SOX5: variants seen among roughly 807,000 people sequenced by gnomAD.
SOX5 encodes the protein transcription factor SOX-5.
In SOX5, 9 loss-of-function variants were observed where a neutral mutation model predicts 92.0. That is an observed-to-expected ratio of 0.10 (90% confidence interval 0.06 to 0.17). The LOEUF (loss-of-function observed/expected upper bound fraction) is 0.17, where lower values mean the gene tolerates loss of function less well. SOX5 is among the 10% of genes least tolerant of loss of function. The pLI, the probability that SOX5 is intolerant of heterozygous loss-of-function variation, is 1.00. For missense variants in SOX5, 642 were observed against 944.5 expected, an observed-to-expected ratio of 0.68 and a Z score of 4.20; for synonymous variants, 344 against 336.3, an observed-to-expected ratio of 1.02 and a Z score of -0.25.
At chr12:24,452,197 T>C (rs1942408436) in intron 1 of SOX5, among the ~76,000 whole-genome samples, 1 of 152,242 alleles carries the variant, frequency 6.6e-6, no homozygotes, top group African/African-American at 2.4e-5. Context: ...ATCGAGTTGC[T>C]TGATCTCAGT....
At chr12:24,531,037 CAT>C (rs1344078987) in intron 1 of SOX5, among the ~76,000 whole-genome samples, 1 of 152,150 alleles carries the variant, frequency 6.6e-6, no homozygotes, top group Non-Finnish European at 1.5e-5. Flanking sequence ...ACTCTGTACA[CAT>C]GATTGTGTAT....
intron 1 of SOX5, among the ~76,000 whole-genome samples, chr12:24,374,516 T>TACACACACACACACACACACACATAC (rs148748308): frequency 6.8e-6 from 1 of 146,408 alleles, no homozygotes; most frequent in East Asian, 2.0e-4. Context: ...CACACACACA[T>TACACACACACACACACACACACATAC]ACACACACAC....
chr12:24,461,090 T>A (rs945390616), intron 1 of SOX5, among the ~76,000 whole-genome samples: 1 of 152,214 alleles, frequency 6.6e-6, no homozygotes, highest in Non-Finnish European at 1.5e-5. Context: ...TGAGATTTGG[T>A]TGCCCTCTAC....
intron 4 of SOX5, among the ~76,000 whole-genome samples, chr12:24,118,579 A>T (rs1480175750): frequency 6.7e-6 from 1 of 148,666 alleles, no homozygotes; most frequent in Non-Finnish European, 1.5e-5. Context: ...ATACATCTTT[A>T]AAAAAAAAGC....
intron 1 of SOX5, among the ~76,000 whole-genome samples, chr12:23,929,936 T>C (rs1261501201): frequency 6.6e-6 from 1 of 151,900 alleles, no homozygotes; most frequent in Non-Finnish European, 1.5e-5. Context: ...CTCCATTTAA[T>C]AAAAGAGGAC....
At chr12:23,537,358 C>A (rs1312903046) in intron 13 of SOX5, among the ~76,000 whole-genome samples, 4 of 152,002 alleles carry the variant, frequency 2.6e-5, no homozygotes, top group Non-Finnish European at 5.9e-5. Flanking sequence ...AATTGAGATT[C>A]AAATAGATGG....
At chr12:24,281,800 T>C (rs1005695589) in intron 2 of SOX5, among the ~76,000 whole-genome samples, 2 of 152,286 alleles carry the variant, frequency 1.3e-5, no homozygotes, top group Admixed American at 1.3e-4. Flanking sequence ...TTCATTTCTT[T>C]CTCTTTGATA....
intron 4 of SOX5, among the ~76,000 whole-genome samples, chr12:24,165,295 TA>T (rs1953269424): frequency 6.6e-6 from 1 of 152,106 alleles, no homozygotes; most frequent in African/African-American, 2.4e-5. Flanking sequence ...ATGGAGCTTA[TA>T]AAATAAACAC....
intron 1 of SOX5, among the ~76,000 whole-genome samples, chr12:24,377,549 A>C (rs1282712841): frequency 2.6e-5 from 4 of 152,256 alleles, no homozygotes; most frequent in Non-Finnish European, 4.4e-5. Flanking sequence ...AGACATAATC[A>C]TGTGTTCATT....
At chr12:24,414,981 G>T (rs1964770520) in intron 1 of SOX5, among the ~76,000 whole-genome samples, 1 of 152,020 alleles carries the variant, frequency 6.6e-6, no homozygotes, top group Non-Finnish European at 1.5e-5. Flanking sequence ...TTCTTTGTTT[G>T]CCTCCTAGAG....
chr12:24,172,804 A>G (rs1014075507), intron 4 of SOX5, among the ~76,000 whole-genome samples: 4 of 152,330 alleles, frequency 2.6e-5, no homozygotes, highest in African/African-American at 9.6e-5. Context: ...GTCCAATAAA[A>G]GAGAGTCAAT....
At chr12:23,975,554 T>C (rs1215155052) in intron 4 of SOX5, among the ~76,000 whole-genome samples, 1 of 152,154 alleles carries the variant, frequency 6.6e-6, no homozygotes, top group Non-Finnish European at 1.5e-5. Flanking sequence ...GAACGCTCTA[T>C]GTTTCCTTGT....
At chr12:24,539,786 T>C (rs2138780886) in intron 1 of SOX5, among the ~76,000 whole-genome samples, 1 of 152,240 alleles carries the variant, frequency 6.6e-6, no homozygotes, top group East Asian at 1.9e-4. Flanking sequence ...ATTAATTTAG[T>C]CCTACTTCAT....
rs367966749 is a variant in SOX5 at position 24,065,672 on chromosome 12, G to C, written c.-2+147671C>G. Among the ~76,000 whole-genome samples the C allele has an allele frequency of 7.2e-3, 1,020 of 141,510 alleles. 9 individuals carry two copies. The highest frequency in any genetic ancestry group is 0.025 in the African/African-American group (971 of 38,092). 92.8% of individuals were successfully genotyped at this position (141,510 alleles called of 152,430 possible). On this transcript the variant is annotated intron_variant, in intron 4 of 4. Transcript: ENST00000446891. The stretch of plus-strand genomic sequence containing the variant: ...AAAAAAAAAAAAAAAAAAAAGAAAA[G>C]AAAAAAGAAAAAGAAAAAGAAATAA...
intron 3 of SOX5, among the ~76,000 whole-genome samples, chr12:23,815,081 A>G (rs1471811329): frequency 6.6e-6 from 1 of 152,172 alleles, no homozygotes; most frequent in African/African-American, 2.4e-5. Flanking sequence ...AAGGGCCAAG[A>G]TTACAATGGT....
chr12:24,187,693 A>G (rs1482879147), intron 4 of SOX5, among the ~76,000 whole-genome samples: 1 of 152,150 alleles, frequency 6.6e-6, no homozygotes, highest in Non-Finnish European at 1.5e-5. Flanking sequence ...GTTCTTTGCC[A>G]ACTATCCTCT....
intron 3 of SOX5, among the ~76,000 whole-genome samples, chr12:24,247,750 A>C (rs974091763): frequency 6.7e-6 from 1 of 149,540 alleles, no homozygotes; most frequent in Admixed American, 6.7e-5. Context: ...TCCTGGGTTC[A>C]AGCAATTCCC....
intron 9 of SOX5, among the ~76,000 whole-genome samples, chr12:23,585,904 G>A (rs752559518): frequency 6.6e-6 from 1 of 152,054 alleles, no homozygotes; most frequent in Non-Finnish European, 1.5e-5. Context: ...AACCCCATTT[G>A]CATAATAAAA....
intron 1 of SOX5, among the ~76,000 whole-genome samples, chr12:24,490,708 G>T (rs754349096): frequency 1.3e-5 from 2 of 152,028 alleles, no homozygotes; most frequent in Non-Finnish European, 2.9e-5. Context: ...GGGTGGGTTG[G>T]AGGCACATGA....
Sources: allele counts gnomAD v4.1 joint callset (sites outside exome capture counted in the v4.1 genomes callset), GRCh38; gene constraint gnomAD v4.1.1; transcripts MANE v1.5; gene names NCBI Gene and HGNC (gene_info 2026-07-23, HGNC 2026-07-21).